The following RIMS2 variants were observed in gnomAD, a reference collection of about 807,000 sequenced individuals.
RIMS2 encodes regulating synaptic membrane exocytosis 2.
Under a neutral mutation model 174.4 loss-of-function variants are expected in RIMS2, and 59 were observed. The observed-to-expected ratio is 0.34, with a 90% CI of 0.27 to 0.42. RIMS2 has a LOEUF of 0.42. Ranked by LOEUF, RIMS2 falls within the 10% of genes least tolerant of loss-of-function variation. The pLI is 1.00. For synonymous variants in RIMS2, 606 were observed against 572.5 expected, an observed-to-expected ratio of 1.06 and a Z score of -0.84; for missense variants, 1,620 against 1,666.3, an observed-to-expected ratio of 0.97 and a Z score of 0.48.
intron 2 of RIMS2, among the ~76,000 whole-genome samples, chr8:103,756,351 G>A (rs1018756637): frequency 6.6e-6 from 1 of 150,822 alleles, no homozygotes; most frequent in Non-Finnish European, 1.5e-5. Context: ...ATCTTGGAAT[G>A]GATCCTTGGG....
chr8:103,775,639 A>AT (rs1647015537), intron 3 of RIMS2, among the ~76,000 whole-genome samples: 1 of 152,120 alleles, frequency 6.6e-6, no homozygotes, highest in Non-Finnish European at 1.5e-5. Flanking sequence ...TTTCTGTAGC[A>AT]TTTTTATCTT....
intron 4 of RIMS2, among the ~76,000 whole-genome samples, chr8:103,901,306 G>C (rs1186777833): frequency 6.6e-6 from 1 of 152,070 alleles, no homozygotes; most frequent in Non-Finnish European, 1.5e-5. Context: ...GGGTTCAGGG[G>C]ATCTAGTTTT....
intron 3 of RIMS2, among the ~76,000 whole-genome samples, chr8:103,790,696 A>C (rs1352888707): frequency 6.6e-6 from 1 of 152,138 alleles, no homozygotes; most frequent in African/African-American, 2.4e-5. Context: ...TCTTGTGTTC[A>C]ATGGCTATTT....
rs191216972 is a variant in RIMS2 at position 104,244,968 on chromosome 8, C to T, written c.3387C>T (p.Gly1129=). The T allele has an allele frequency of 2.9e-4, 464 of 1,613,698 alleles. 1 individual carries two copies. In the African/African-American group the frequency reaches 5.5e-3, roughly 19 times the overall value. The change falls in exon 20 of 24, where the codon GGC becomes GGT. Residue 1129 remains glycine (G), a synonymous_variant. Transcript: ENST00000504942. ...CTGTCCAAAGAAGTACAGAAACAGG[C>T]CTGGCCGTGGAAATGAGGAACTGGA...
At chr8:103,750,166 C>T (rs895057383) in intron 2 of RIMS2, among the ~76,000 whole-genome samples, 16 of 151,900 alleles carry the variant, frequency 1.1e-4, no homozygotes, top group Non-Finnish European at 2.1e-4. Flanking sequence ...ACATTGTTAA[C>T]CTATTTTTTC....
At chr8:103,854,694 C>T (rs1397088455) in intron 3 of RIMS2, among the ~76,000 whole-genome samples, 3 of 151,874 alleles carry the variant, frequency 2.0e-5, no homozygotes, top group African/African-American at 7.3e-5. Flanking sequence ...TTGAACCATC[C>T]TTGTATCCCA....
At chr8:104,244,684 T>G (rs746265215) in intron 19 of RIMS2, among the ~76,000 whole-genome samples, 2 of 152,214 alleles carry the variant, frequency 1.3e-5, no homozygotes, top group Non-Finnish European at 2.9e-5. Context: ...CTGTTTTAAA[T>G]GGAAATAAAA....
At chr8:103,501,880 A>G (rs1011569746) in intron 1 of RIMS2, among the ~76,000 whole-genome samples, 9 of 152,100 alleles carry the variant, frequency 5.9e-5, no homozygotes, top group African/African-American at 2.2e-4. Context: ...GCACCCAGGC[A>G]TGCGTTTACC....
chr8:103,512,691 G>A (rs372962229), intron 1 of RIMS2, among the ~76,000 whole-genome samples: 137 of 152,168 alleles, frequency 9.0e-4, no homozygotes, highest in African/African-American at 3.2e-3. Context: ...AGGAGAATTT[G>A]TTGAAAAATA....
At chr8:103,567,206 G>A (rs1027306439) in intron 1 of RIMS2, among the ~76,000 whole-genome samples, 12 of 152,018 alleles carry the variant, frequency 7.9e-5, no homozygotes, top group African/African-American at 1.5e-4. Flanking sequence ...AAATTTTACC[G>A]TATGGCATTT....
chr8:103,698,251 A>G (rs1332247137), intron 2 of RIMS2, among the ~76,000 whole-genome samples: 1 of 152,172 alleles, frequency 6.6e-6, no homozygotes, highest in Non-Finnish European at 1.5e-5. Context: ...TTGACTAGGT[A>G]CATTGGCTAG....
intron 3 of RIMS2, among the ~76,000 whole-genome samples, chr8:103,883,730 G>C (rs10099292): frequency 0.11 from 16,736 of 151,748 alleles, 1,282 homozygotes; most frequent in African/African-American, 0.22. Context: ...AGATTTGAAA[G>C]GTAGAGGATA....
intron 19 of RIMS2, among the ~76,000 whole-genome samples, chr8:104,179,527 A>G (rs906022819): frequency 2.6e-5 from 4 of 151,944 alleles, no homozygotes; most frequent in African/African-American, 9.7e-5. Context: ...ATAATTTTAT[A>G]TAACCACTAA....
intron 1 of RIMS2, among the ~76,000 whole-genome samples, chr8:103,583,062 A>C (rs1170964242): frequency 6.6e-6 from 1 of 152,196 alleles, no homozygotes; most frequent in Non-Finnish European, 1.5e-5. Flanking sequence ...GTGTCACTCC[A>C]CCCTCAGCTT....
At chr8:104,198,066 T>C (rs1205733316) in intron 19 of RIMS2, among the ~76,000 whole-genome samples, 1 of 152,172 alleles carries the variant, frequency 6.6e-6, no homozygotes, top group Non-Finnish European at 1.5e-5. Flanking sequence ...TAAGCCTTTT[T>C]ATGGTTCAAA....
At chr8:103,834,747 TCTCTTTCTTTTTCTCTCTCTCTTTCTG>T (rs2098857863) in intron 3 of RIMS2, among the ~76,000 whole-genome samples, 1 of 145,050 alleles carries the variant, frequency 6.9e-6, no homozygotes. Context: ...TTTCTTTCTC[TCTCTTTCTTTTTCTCTCTCTCTTTCTG>T]TCTTTCTTTC....
intron 19 of RIMS2, among the ~76,000 whole-genome samples, chr8:104,227,145 C>T (rs577518329): frequency 4.7e-4 from 72 of 151,850 alleles, no homozygotes; most frequent in Admixed American, 3.0e-3. Flanking sequence ...AAGGGACATT[C>T]CCATAAACAA....
At chr8:103,644,961 C>G (rs941977925) in intron 1 of RIMS2, among the ~76,000 whole-genome samples, 2 of 151,854 alleles carry the variant, frequency 1.3e-5, no homozygotes, top group African/African-American at 2.4e-5. Flanking sequence ...AGTAAATGAG[C>G]CCATTTACAT....
At chr8:103,997,210 GAGGA>G (rs1316776411) in intron 17 of RIMS2, among the ~76,000 whole-genome samples, 1 of 151,842 alleles carries the variant, frequency 6.6e-6, no homozygotes, top group Non-Finnish European at 1.5e-5. Context: ...AGTGGCTTGA[GAGGA>G]AGGAAAGATT....
Sources: gnomAD v4.1 joint callset for allele counts (sites outside exome capture counted in the v4.1 genomes callset) on GRCh38, gnomAD v4.1.1 for gene constraint, MANE v1.5 for transcripts, NCBI Gene and HGNC (gene_info 2026-07-23, HGNC 2026-07-21) for gene names.